The following SYNE1 variants were observed in gnomAD, a reference collection of about 807,000 sequenced individuals.
SYNE1 encodes the protein nesprin-1.
Under a neutral mutation model 1,111.0 loss-of-function variants are expected in SYNE1, and 616 were observed. The observed-to-expected ratio is 0.55, with a 90% CI of 0.52 to 0.59. The LOEUF is 0.59. Ranked by LOEUF, SYNE1 falls within the 20% of genes least tolerant of loss-of-function variation. The pLI is 0.00. For synonymous variants in SYNE1, 3,855 were observed against 3,825.8 expected (o/e 1.01, Z -0.28); for missense variants, 10,006 against 10,417.0 (o/e 0.96, Z 1.72).
At chr6:152,219,216 A>G (rs373846486) in intron 119 of SYNE1, 31 bp from the exon 120 acceptor site, 94 of 1,606,606 alleles carry the variant, frequency 5.9e-5, no homozygotes, top group Admixed American at 2.8e-4. Context: ...CCCACTCTGA[A>G]GCATGTTGAT....
intron 95 of SYNE1, among the ~76,000 whole-genome samples, chr6:152,286,904 A>G (rs2094357690): frequency 6.6e-6 from 1 of 152,238 alleles, no homozygotes; most frequent in Admixed American, 6.5e-5. Context: ...TGCCTAATCC[A>G]AGGTCATAAA....
intron 6 of SYNE1, among the ~76,000 whole-genome samples, chr6:152,515,130 G>A (rs1245730850): frequency 6.6e-6 from 1 of 151,802 alleles, no homozygotes; most frequent in Non-Finnish European, 1.5e-5. Flanking sequence ...GCTGAGGCAG[G>A]AGAATCTCTT....
chr6:152,397,083 G>T, intron 49 of SYNE1, 103 bp from the exon 50 acceptor site: 1 of 1,172,436 alleles, frequency 8.5e-7, no homozygotes. Flanking sequence ...AAGGAAAATG[G>T]CTTAACAAGG....
chr6:152,356,151 G>A (rs2096833379), intron 66 of SYNE1, among the ~76,000 whole-genome samples: 1 of 151,504 alleles, frequency 6.6e-6, no homozygotes, highest in Admixed American at 6.6e-5. Context: ...TGGATCTTGT[G>A]GGCCATAGGT....
chr6:152,299,936 CT>C (rs1288679805), intron 93 of SYNE1, among the ~76,000 whole-genome samples: 2 of 151,956 alleles, frequency 1.3e-5, no homozygotes, highest in East Asian at 3.8e-4. Flanking sequence ...CATTAAAAGT[CT>C]TTGGTTACTA....
At chr6:152,334,585 C>T (rs2096336509) in intron 76 of SYNE1, among the ~76,000 whole-genome samples, 1 of 152,180 alleles carries the variant, frequency 6.6e-6, no homozygotes, top group South Asian at 2.1e-4. Context: ...AAGTCATTAT[C>T]TTACCTTGAA....
At chr6:152,323,356 G>T in intron 82 of SYNE1, 122 bp downstream of exon 82, 9 of 1,433,454 alleles carry the variant, frequency 6.3e-6, no homozygotes, top group Non-Finnish European at 8.5e-6. Flanking sequence ...GGAGAATGGC[G>T]TGAACCCGGG....
rs1384709821 is a variant in SYNE1 at position 152,122,279 on chromosome 6, A to G, written c.*157T>C. 20 of 1,142,640 alleles carry G rather than the reference A, an allele frequency of 1.8e-5. No homozygotes were observed. The East Asian group carries it at 4.8e-4, about 27-fold the overall frequency. 70.8% of individuals were successfully genotyped at this position (1,142,640 alleles called of 1,614,324 possible). Reference sequence around the variant, plus strand: ...CGTCACTGTTTATCTTCCACCTCTGAAGCCATAATTTGCACACATGTGATC... The same window carrying G: ...CGTCACTGTTTATCTTCCACCTCTGGAGCCATAATTTGCACACATGTGATC... On this transcript the variant is annotated 3_prime_UTR_variant, in exon 146 of 146. Transcript: ENST00000367255.
intron 42 of SYNE1, among the ~76,000 whole-genome samples, chr6:152,411,240 T>A (rs1439145982): frequency 6.6e-6 from 1 of 152,224 alleles, no homozygotes; most frequent in African/African-American, 2.4e-5. Flanking sequence ...TGGGTCTATT[T>A]CTGGACTGTG....
Position 152,538,386 on chromosome 6 carries a change from C to A in SYNE1, c.129+1574G>T, listed in dbSNP as rs79363235. Among the ~76,000 whole-genome samples, 1,713 of 152,182 alleles carry A rather than the reference C, an allele frequency of 0.011. 60 individuals carry two copies. The East Asian group carries it at 0.14, about 12-fold the overall frequency. ...CATTACAATAATTACATAGTTCTAT[C>A]TATTGTCATGGATTGACGTGTTGGG... On this transcript the variant is annotated intron_variant, in intron 4 of 145. Coordinates refer to ENST00000367255, the MANE Select transcript of SYNE1 (RefSeq NM_182961.4).
chr6:152,425,617 G>A lies in SYNE1; in HGVS notation c.5101-70C>T, dbSNP rs911935476. The A allele has an allele frequency of 3.8e-5, 60 of 1,579,006 alleles. 1 individual carries two copies. The highest frequency in any genetic ancestry group is 2.7e-4 in the Admixed American group (16 of 59,836). On this transcript the variant is annotated intron_variant, in intron 38 of 145. Transcript: ENST00000367255. ...AAAGTAAGGACCATGCGGCACAGGC[G>A]GCTGTTGTCCAAAGGATTCGCATTC... is the stretch of plus-strand genomic sequence containing the variant.
At chr6:152,164,080 C>T (rs1251560625) in intron 131 of SYNE1, 83 bp downstream of exon 131, 2 of 1,576,170 alleles carry the variant, frequency 1.3e-6, no homozygotes, top group Non-Finnish European at 1.7e-6. Context: ...TCTCCAGGCA[C>T]CATCTCATGC....
At chr6:152,412,865 TTG>T (rs201363673) in intron 42 of SYNE1, among the ~76,000 whole-genome samples, 3,602 of 150,962 alleles carry the variant, frequency 0.024, 233 homozygotes, top group African/African-American at 0.083. Context: ...TTTTTTTTTT[TTG>T]GTGAGAAGGA....
chr6:152,606,018 CTAGGATAA>C (rs899976990), intron 3 of SYNE1, among the ~76,000 whole-genome samples: 3 of 152,080 alleles, frequency 2.0e-5, no homozygotes, highest in African/African-American at 7.2e-5. Context: ...CCAATTTCCC[CTAGGATAA>C]TGTAGAGTAT....
chr6:152,224,920 TATATATAC>T (rs1419565904), intron 116 of SYNE1, among the ~76,000 whole-genome samples: 1 of 147,476 alleles, frequency 6.8e-6, no homozygotes, highest in Non-Finnish European at 1.5e-5. Context: ...TATATATGTA[TATATATAC>T]ATATATACAT....
chr6:152,273,546 T>C (rs186351284), intron 98 of SYNE1, among the ~76,000 whole-genome samples: 1 of 152,342 alleles, frequency 6.6e-6, no homozygotes, highest in African/African-American at 2.4e-5. Context: ...CCAGGTCACC[T>C]CGTTAATAAT....
chr6:152,572,060 C>A (rs574458983), intron 3 of SYNE1, among the ~76,000 whole-genome samples: 1 of 152,098 alleles, frequency 6.6e-6, no homozygotes, highest in Non-Finnish European at 1.5e-5. Context: ...CTTGGACTGA[C>A]CTTTTGCCTG....
chr6:152,140,886 T>C (rs2058373913), intron 139 of SYNE1, among the ~76,000 whole-genome samples: 1 of 150,722 alleles, frequency 6.6e-6, no homozygotes, highest in South Asian at 2.1e-4. Context: ...ACAAAAAAAT[T>C]TAGCTGGGCG....
At chr6:152,561,300 A>G (rs910878718) in intron 3 of SYNE1, among the ~76,000 whole-genome samples, 2 of 152,150 alleles carry the variant, frequency 1.3e-5, no homozygotes, top group Middle Eastern at 3.2e-3. Flanking sequence ...TTTTTTTCAA[A>G]AAATAAATTT....
Sources: gnomAD v4.1 joint callset for allele counts (sites outside exome capture counted in the v4.1 genomes callset) on GRCh38, gnomAD v4.1.1 for gene constraint, MANE v1.5 for transcripts, NCBI Gene and HGNC (gene_info 2026-07-23, HGNC 2026-07-21) for gene names.